Variants in PIEZO2 observed in about 807,000 individuals in gnomAD.
PIEZO2 encodes piezo type mechanosensitive ion channel component 2.
In PIEZO2, 172 loss-of-function variants were observed where a neutral mutation model predicts 337.3. The observed-to-expected ratio is 0.51, with a 90% confidence interval of 0.45 to 0.58. The LOEUF (loss-of-function observed/expected upper bound fraction) is 0.58, where lower values mean the gene tolerates loss of function less well. PIEZO2 is among the 20% of genes least tolerant of loss of function. PIEZO2 has a pLI of 0.00. For missense variants in PIEZO2, 3,028 were observed against 3,391.3 expected (o/e 0.89, Z 2.66); for synonymous variants, 1,251 against 1,228.5 (o/e 1.02, Z -0.38).
In PIEZO2 at chr18:10,945,116, C is replaced by T. The variant is rs1027108089; in HGVS notation, c.287-33888G>A. Among the ~76,000 whole-genome samples the T allele has an allele frequency of 3.9e-5, 6 of 152,158 alleles. No homozygotes were observed. The highest frequency in any genetic ancestry group is 3.9e-4 in the Admixed American group (6 of 15,274). On this transcript the variant is annotated intron_variant, in intron 3 of 55. Coordinates refer to ENST00000674853, the MANE Select transcript of PIEZO2 (RefSeq NM_001378183.1). This position sits in a 1 kb window ranked among gnomAD's most constrained non-coding sequence, Gnocchi z 4.0. ...GGCCCCGGAGATCTGTGAATTCAGC[C>T]AAGTAGTGACCAGTACATGCATGTG...
At chr18:10,774,810 C>A (rs1002264308) in intron 18 of PIEZO2, among the ~76,000 whole-genome samples, 1 of 152,018 alleles carries the variant, frequency 6.6e-6, no homozygotes, top group African/African-American at 2.4e-5. Flanking sequence ...CATAGTTAAT[C>A]CAGAAATTTT....
rs572327642 is a variant in PIEZO2 at position 10,741,132 on chromosome 18, C to T, written c.4637-30G>A. On this transcript the variant is annotated intron_variant, in intron 32 of 55. Transcript: ENST00000674853. ...AATAAAATACGTCCACATATTAATT[C>T]GTATAAAGTGAGAAAACAAATTTTG... 1.5e-5 allele frequency: 23 copies of T among 1,510,040 alleles called. No individual in the cohort carries two copies. In the South Asian group the frequency reaches 2.3e-4, roughly 15 times the overall value. The allele number at this position is 1,510,040 out of a possible 1,614,324, so 93.5% of individuals were successfully genotyped here.
chr18:11,106,554 C>T (rs1598968911), intron 1 of PIEZO2, among the ~76,000 whole-genome samples: 2 of 151,820 alleles, frequency 1.3e-5, no homozygotes, highest in East Asian at 3.9e-4. Context: ...ACCACAACCA[C>T]GCACACCACC....
Position 10,856,128 on chromosome 18 carries a change from G to A in PIEZO2, c.704-562C>T, listed in dbSNP as rs2041698530. Among the ~76,000 whole-genome samples, 1 of 152,040 alleles carries A rather than the reference G, an allele frequency of 6.6e-6. No individual in the cohort carries two copies. The highest frequency in any genetic ancestry group is 6.6e-5 in the Admixed American group (1 of 15,252). ...TAGCGCAGGTTGGTCTTGAACTCCT[G>A]GGCTAAGTGATCTTCCCTCCTTGGC... On this transcript the variant is annotated intron_variant, in intron 6 of 55. Transcript: ENST00000674853. This position sits in a 1 kb window ranked among gnomAD's most constrained non-coding sequence, Gnocchi z 4.7.
chr18:10,947,823 T>G (rs1327930070), intron 3 of PIEZO2, among the ~76,000 whole-genome samples: 1 of 152,148 alleles, frequency 6.6e-6, no homozygotes, highest in Non-Finnish European at 1.5e-5. Context: ...GCACAAAGGC[T>G]GGGAAGAGAG....
At chr18:10,932,933 TAA>T (rs755073723) in intron 3 of PIEZO2, among the ~76,000 whole-genome samples, 1 of 138,368 alleles carries the variant, frequency 7.2e-6, no homozygotes. Flanking sequence ...CTAAAAAAGG[TAA>T]AAAAAAAAAA....
rs536955088 is a variant in PIEZO2 at position 10,670,726 on chromosome 18, C to G, written c.*801G>C. On this transcript the variant is annotated 3_prime_UTR_variant, in exon 56 of 56. Coordinates refer to ENST00000674853, the MANE Select transcript of PIEZO2 (RefSeq NM_001378183.1). The stretch of plus-strand genomic sequence containing the variant: ...GTATTCTAGGTCCCACTGGGTTGGT[C>G]TTTTTACTCTTCTGCCTCATGTCTG... The G allele has an allele frequency of 5.2e-5, 8 of 152,678 alleles. No individual in the cohort carries two copies. In the South Asian group the frequency reaches 1.5e-3, roughly 28 times the overall value. The allele number at this position is 152,678 out of a possible 1,614,324, so 9.5% of individuals were successfully genotyped here. A position where few individuals can be genotyped will look rare whatever the true frequency, so the allele number is the denominator to read the frequency against.
intron 3 of PIEZO2, among the ~76,000 whole-genome samples, chr18:10,920,031 G>A (rs1185707548): frequency 6.6e-6 from 1 of 152,150 alleles, no homozygotes; most frequent in Admixed American, 6.5e-5. Context: ...AGCCAGCCTT[G>A]AAAAAGATAC....
In PIEZO2 at chr18:10,940,548, C is replaced by T. The variant is rs1214138448; in HGVS notation, c.287-29320G>A. On this transcript the variant is annotated intron_variant, in intron 3 of 55. Coordinates refer to ENST00000674853, the MANE Select transcript of PIEZO2 (RefSeq NM_001378183.1). This position sits in a 1 kb window ranked among gnomAD's most constrained non-coding sequence, Gnocchi z 5.3. The stretch of plus-strand genomic sequence containing the variant: ...ACAGGACACATTACTGCTTTTGTGC[C>T]TGCTGATAATGTTCACATGTCTAAA... Among the ~76,000 whole-genome samples the T allele has an allele frequency of 2.0e-5, 3 of 152,200 alleles. No homozygotes were observed. The highest frequency in any genetic ancestry group is 3.8e-4 in the East Asian group (2 of 5,196).
At chr18:11,093,511 C>G (rs1475494784) in intron 1 of PIEZO2, among the ~76,000 whole-genome samples, 1 of 151,448 alleles carries the variant, frequency 6.6e-6, no homozygotes, top group African/African-American at 2.4e-5. Flanking sequence ...AAATTTTTTC[C>G]TTTACAAATT....
intron 3 of PIEZO2, among the ~76,000 whole-genome samples, chr18:10,913,184 T>G (rs1216097074): frequency 6.6e-6 from 1 of 152,226 alleles, no homozygotes; most frequent in East Asian, 1.9e-4. Flanking sequence ...TTTTGATACA[T>G]GTCTATGATG....
chr18:10,854,546 G>A lies in PIEZO2; in HGVS notation c.917+807C>T, dbSNP rs1229147972. ...ATGGAGGAATTTTCTCTCATTCACTGAGAATGACTTATTAAAAGTCAAAGT... is the reference window on the plus strand; with the variant it reads ...ATGGAGGAATTTTCTCTCATTCACTAAGAATGACTTATTAAAAGTCAAAGT... On this transcript the variant is annotated intron_variant, in intron 7 of 55. Coordinates refer to ENST00000674853, the MANE Select transcript of PIEZO2 (RefSeq NM_001378183.1). The surrounding 1 kb of genome is among the most constrained non-coding windows in gnomAD (Gnocchi z 4.6). Among the ~76,000 whole-genome samples the A allele has an allele frequency of 6.6e-6, 1 of 152,128 alleles. No individual in the cohort carries two copies. Among genetic ancestry groups the A allele is most frequent in the Non-Finnish European group, 1.5e-5 (1 of 68,042 alleles).
rs1265073026 is a variant in PIEZO2 at position 10,787,050 on chromosome 18, T to A, written c.2304A>T (p.Gly768=). 6.5e-7 allele frequency: 1 copy of A among 1,531,432 alleles called. No individual in the cohort carries two copies. 94.9% of individuals were successfully genotyped at this position (1,531,432 alleles called of 1,614,324 possible). The part of the protein sequence containing the change: ...NFPGLWQNMT[G]LKKEKLEDLG... ...AAATCACTTACTTTTCTTTTTTCAG[T>A]CCAGTCATATTTTGCCACAGGCCTG... The change falls in exon 16 of 56, where the codon GGA becomes GGT. Residue 768 remains glycine, a synonymous_variant. Coordinates refer to ENST00000674853, the MANE Select transcript of PIEZO2 (RefSeq NM_001378183.1).
chr18:10,720,231 T>TGC (rs1434694885), intron 36 of PIEZO2, among the ~76,000 whole-genome samples: 1 of 140,630 alleles, frequency 7.1e-6, no homozygotes, highest in African/African-American at 2.8e-5. Flanking sequence ...TATGTGTGTG[T>TGC]GTGTATATAT....
At position 10,741,019 on chromosome 18, in the gene PIEZO2, G is replaced by T; in HGVS notation, c.4708+12C>A. The T allele has an allele frequency of 2.6e-6, 4 of 1,536,942 alleles. No individual in the cohort carries two copies. Among genetic ancestry groups the T allele is most frequent in the Non-Finnish European group, 2.6e-6 (3 of 1,146,686 alleles). Reference sequence around the variant, plus strand: ...GAGTCGATGAGGTTGTAAGGGGATCGAGAAAACCTACTGGAAGCATGATCA... The same window carrying T: ...GAGTCGATGAGGTTGTAAGGGGATCTAGAAAACCTACTGGAAGCATGATCA... On this transcript the variant is annotated intron_variant, in intron 33 of 55. Coordinates refer to ENST00000674853, the MANE Select transcript of PIEZO2 (RefSeq NM_001378183.1).
At chr18:11,066,288 G>T (rs1211929038) in intron 1 of PIEZO2, 66 bp from the exon 2 acceptor site, 2 of 1,273,714 alleles carry the variant, frequency 1.6e-6, no homozygotes, top group Non-Finnish European at 2.2e-6. Context: ...AAAACCAGGG[G>T]TGCATAACAA....
At chr18:11,068,221 A>G (rs1490887780) in intron 1 of PIEZO2, among the ~76,000 whole-genome samples, 5 of 152,216 alleles carry the variant, frequency 3.3e-5, no homozygotes, top group Non-Finnish European at 5.9e-5. Context: ...CACCCGGCAG[A>G]ATACACGTTC....
chr18:10,798,377 G>C (rs1311061115), intron 11 of PIEZO2, among the ~76,000 whole-genome samples: 1 of 152,206 alleles, frequency 6.6e-6, no homozygotes, highest in African/African-American at 2.4e-5. Flanking sequence ...ATCAGTGACT[G>C]TGCATACTAC....
chr18:10,680,144 C>A, intron 52 of PIEZO2, 55 bp downstream of exon 52: 2 of 1,457,972 alleles, frequency 1.4e-6, no homozygotes, highest in Non-Finnish European at 1.9e-6. Flanking sequence ...CCTCCCCCAA[C>A]TCCATGTTTA....
Sources: allele counts gnomAD v4.1 joint callset (sites outside exome capture counted in the v4.1 genomes callset), GRCh38; gene constraint gnomAD v4.1.1; non-coding constraint Gnocchi (gnomAD v3.1); transcripts MANE v1.5; gene names NCBI Gene and HGNC (gene_info 2026-07-23, HGNC 2026-07-21).